Variants in NLGN3 observed in about 807,000 individuals in gnomAD.
The protein encoded by NLGN3 is neuroligin-3.
A neutral mutation model predicts 42.9 loss-of-function variants in NLGN3; 11 were observed. That is an observed-to-expected ratio of 0.26 (90% CI 0.16 to 0.42). The LOEUF (loss-of-function observed/expected upper bound fraction) is 0.42. NLGN3 is among the 10% of genes least tolerant of loss of function. The pLI, the probability that NLGN3 is intolerant of heterozygous loss-of-function variation, is 1.00. For missense variants in NLGN3, 374 were observed against 733.8 expected (o/e 0.51, Z 5.67); for synonymous variants, 279 against 312.7 (o/e 0.89, Z 1.14).
In NLGN3 at chrX:71,170,862, C is replaced by A; in HGVS notation, c.*765C>A. The A allele has an allele frequency of 1.3e-6, 1 of 755,708 alleles. No homozygotes were observed. The highest frequency in any genetic ancestry group is 1.6e-6 in the Non-Finnish European group (1 of 640,115). The allele number at this position is 755,708 out of a possible 1,213,427, so 62.3% of individuals were successfully genotyped here. The stretch of plus-strand genomic sequence containing the variant: ...AGAGCCTGCAGGGTGACCTGCTTCC[C>A]CAAAGGCCAACAGCATTGGCCTGGC... On this transcript the variant is annotated 3_prime_UTR_variant, in exon 8 of 8. Transcript: ENST00000358741.
downstream of NLGN3, among the ~76,000 whole-genome samples, chrX:71,173,157 A>G (rs960169792): frequency 1.8e-5 from 2 of 110,391 alleles, no homozygotes; most frequent in Non-Finnish European, 3.8e-5. Flanking sequence ...GTGGCCTCCT[A>G]TTTGAGACCA....
rs1842648616 is a variant in NLGN3, at chrX:71,161,791, T to A, written c.728-2352T>A. On this transcript the variant is annotated intron_variant, in intron 5 of 7. Coordinates refer to ENST00000358741, the MANE Select transcript of NLGN3 (RefSeq NM_181303.2). Reference sequence around the variant, plus strand: ...CTCCTTCTAAAAAAAAATAAATAAATAATAAATAAATCCTCCATCCAGCCC... The same window carrying A: ...CTCCTTCTAAAAAAAAATAAATAAAAAATAAATAAATCCTCCATCCAGCCC... Among the ~76,000 whole-genome samples the A allele has an allele frequency of 3.6e-5, 4 of 111,670 alleles. No homozygotes were observed. The South Asian group carries it at 1.5e-3, about 42-fold the overall frequency.
intron 3 of NLGN3, 43 bp downstream of exon 3, chrX:71,148,948 G>GAGAGA: frequency 1.2e-6 from 1 of 834,144 alleles, no homozygotes; most frequent in Non-Finnish European, 1.6e-6. Flanking sequence ...GAGAGAGGGA[G>GAGAGA]GGCTGCCTGC....
At chrX:71,168,878 A>C (rs1201212649) in intron 7 of NLGN3, among the ~76,000 whole-genome samples, 1 of 85,111 alleles carries the variant, frequency 1.2e-5, no homozygotes, top group Non-Finnish European at 2.0e-5. Flanking sequence ...AGAGAAAGAA[A>C]AGAAAGAGAA....
chrX:71,171,249 T>G (rs1175344985), downstream of NLGN3: 1 of 742,361 alleles, frequency 1.3e-6, no homozygotes, highest in Non-Finnish European at 1.6e-6. Context: ...CCGAACAGGG[T>G]GCCTCTGCGG....
At chrX:71,151,835 A>G (rs1406548154) in intron 3 of NLGN3, among the ~76,000 whole-genome samples, 2 of 112,093 alleles carry the variant, frequency 1.8e-5, no homozygotes, top group Non-Finnish European at 3.8e-5. Context: ...TCTGGGGATG[A>G]GCAATTCCTT....
rs972686870 is a variant in NLGN3, at chrX:71,155,470, T to C, written c.727+107T>C. 5.0e-6 allele frequency: 5 copies of C among 994,519 alleles called. No individual in the cohort carries two copies. In the African/African-American group the frequency reaches 7.5e-5, roughly 15 times the overall value. The allele number at this position is 994,519 out of a possible 1,213,427, so 82.0% of individuals were successfully genotyped here. ...ATAGCCTTGCTTCTCTAGCTGGTGCTAATAACCACAGTCAAAATGGTGTTA... is the reference window on the plus strand; with the variant it reads ...ATAGCCTTGCTTCTCTAGCTGGTGCCAATAACCACAGTCAAAATGGTGTTA... On this transcript the variant is annotated intron_variant, in intron 5 of 7. Transcript: ENST00000358741.
chrX:71,153,310 G>C, intron 3 of NLGN3, 167 bp from the exon 4 acceptor site: 1 of 538,428 alleles, frequency 1.9e-6, no homozygotes, highest in Non-Finnish European at 3.3e-6. Context: ...TGAAGGTCTG[G>C]GCCTCAGCCC....
At chrX:71,161,147 T>G (rs1285136215) in intron 5 of NLGN3, among the ~76,000 whole-genome samples, 1 of 102,985 alleles carries the variant, frequency 9.7e-6, no homozygotes, top group South Asian at 4.7e-4. Flanking sequence ...GGAGTTTCAC[T>G]CTTGTTGCCC....
intron 5 of NLGN3, among the ~76,000 whole-genome samples, chrX:71,158,302 C>G (rs1209805998): frequency 9.0e-6 from 1 of 111,335 alleles, no homozygotes; most frequent in African/African-American, 3.3e-5. Context: ...CCAGGCTGGT[C>G]TGGAACTCCT....
At chrX:71,155,139 C>A in intron 4 of NLGN3, 75 bp from the exon 5 acceptor site, 4 of 1,159,192 alleles carry the variant, frequency 3.5e-6, no homozygotes, top group Non-Finnish European at 4.7e-6. Context: ...CTGCCCGCAC[C>A]CACCCCCTGG....
At chrX:71,159,040 A>G (rs938121544) in intron 5 of NLGN3, among the ~76,000 whole-genome samples, 1 of 111,043 alleles carries the variant, frequency 9.0e-6, no homozygotes, top group Non-Finnish European at 1.9e-5. Context: ...ACTTAATTTT[A>G]CAGGGCCGGG....
At chrX:71,160,731 C>T (rs1569484904) in intron 5 of NLGN3, among the ~76,000 whole-genome samples, 4 of 112,341 alleles carry the variant, frequency 3.6e-5, no homozygotes, top group African/African-American at 1.3e-4. Flanking sequence ...ACTCCAGGTT[C>T]CAGAATTGAA....
At chrX:71,165,684 C>T (rs2092444567) in intron 6 of NLGN3, among the ~76,000 whole-genome samples, 1 of 110,712 alleles carries the variant, frequency 9.0e-6, no homozygotes, top group Non-Finnish European at 1.9e-5. Flanking sequence ...TGCTACCATG[C>T]CCGGCTAATT....
At chrX:71,145,241 G>GCATACAAAATA (rs2092361868) in intron 1 of NLGN3, among the ~76,000 whole-genome samples, 1 of 106,264 alleles carries the variant, frequency 9.4e-6, no homozygotes, top group African/African-American at 3.4e-5. Context: ...CCTATTGAGG[G>GCATACAAAATA]CCCCCAGCCC....
rs566418236 is a variant in NLGN3 at position 71,147,971 on chromosome X, C to T, written c.222C>T (p.Tyr74=). The T allele has an allele frequency of 5.6e-5, 67 of 1,205,495 alleles. No individual in the cohort carries two copies. Among genetic ancestry groups the T allele is most frequent in the South Asian group, 8.9e-5 (5 of 56,459 alleles). The change falls in exon 2 of 8, where the codon TAC becomes TAT. Residue 74 remains tyrosine, a synonymous_variant. Coordinates refer to ENST00000358741, the MANE Select transcript of NLGN3 (RefSeq NM_181303.2). ...TGGACCAATACCTGGGGGTGCCCTACGCAGCTCCCCCGATCGGCGAGAAAC... is the reference window on the plus strand; with the variant it reads ...TGGACCAATACCTGGGGGTGCCCTATGCAGCTCCCCCGATCGGCGAGAAAC... ...GPVDQYLGVP[Y]AAPPIGEKRF...
Position 71,147,910 on chromosome X carries a change from C to T in NLGN3, c.161C>T (p.Ala54Val). ...ACTCACTTTGGGAAGCTAAGGGGTG[C>T]CCGAGTACCACTGCCCAGTGAGATC... ...VNTHFGKLRG[A>V]RVPLPSEILG... The change falls in exon 2 of 8, where the codon GCC becomes GTC. Residue 54 changes from alanine to valine, a missense_variant. Transcript: ENST00000358741. 1.7e-6 allele frequency: 2 copies of T among 1,208,911 alleles called. No individual in the cohort carries two copies. Among genetic ancestry groups the T allele is most frequent in the Non-Finnish European group, 2.2e-6 (2 of 894,043 alleles).
intron 5 of NLGN3, among the ~76,000 whole-genome samples, chrX:71,157,086 C>T (rs1306817275): frequency 9.0e-6 from 1 of 110,714 alleles, no homozygotes; most frequent in Non-Finnish European, 1.9e-5. Context: ...GGAGTGTAGG[C>T]TCTTGGTCAG....
At chrX:71,146,359 G>A (rs1277873941) in intron 1 of NLGN3, among the ~76,000 whole-genome samples, 2 of 108,181 alleles carry the variant, frequency 1.8e-5, no homozygotes, top group African/African-American at 3.4e-5. Context: ...TGTGCATGTG[G>A]CGTGGGTGTG....
Sources: allele counts gnomAD v4.1 joint callset (sites outside exome capture counted in the v4.1 genomes callset), GRCh38; gene constraint gnomAD v4.1.1; transcripts MANE v1.5; gene names NCBI Gene and HGNC (gene_info 2026-07-23, HGNC 2026-07-21).